The following ZNF90 variants were observed in gnomAD, a reference collection of about 807,000 sequenced individuals.
The protein encoded by ZNF90 is zinc finger protein 90, also known as zinc finger protein HTF9.
ZNF90 carries 11 observed loss-of-function variants against 12.0 expected under a neutral mutation model. The observed-to-expected ratio is 0.92, with a 90% CI of 0.58 to 1.52. The LOEUF (loss-of-function observed/expected upper bound fraction) is 1.52, where lower values mean the gene tolerates loss of function less well. ZNF90 is among the 40% of genes most tolerant of loss of function. The pLI, the probability that ZNF90 is intolerant of heterozygous loss-of-function variation, is 0.00. For missense variants in ZNF90, 765 were observed against 711.5 expected, an observed-to-expected ratio of 1.08 and a Z score of -0.86; for synonymous variants, 232 against 240.1, an observed-to-expected ratio of 0.97 and a Z score of 0.31.
chr19:20,107,294 C>A (rs1225318996), intron 3 of ZNF90, among the ~76,000 whole-genome samples: 1 of 152,180 alleles, frequency 6.6e-6, no homozygotes, highest in African/African-American at 2.4e-5. Flanking sequence ...GGGATGGTTA[C>A]AGAGTAAGTT....
chr19:20,097,178 C>T (rs2088955251), intron 1 of ZNF90, among the ~76,000 whole-genome samples: 1 of 152,128 alleles, frequency 6.6e-6, no homozygotes. Flanking sequence ...AGTTTTCTTT[C>T]TGTACTATTA....
rs530663606 is a variant in ZNF90, at chr19:20,121,004, G to C, written c.*1644G>C. On this transcript the variant is annotated 3_prime_UTR_variant, in exon 4 of 4. Transcript: ENST00000418063. ...TGCATGATGAAAATATAAGTGGACAGGCTGTTCGTATTTGACCTATATTAA... is the reference window on the plus strand; with the variant it reads ...TGCATGATGAAAATATAAGTGGACACGCTGTTCGTATTTGACCTATATTAA... 2.0e-5 allele frequency: 3 copies of C among 152,822 alleles called. No homozygotes were observed. Among genetic ancestry groups the C allele is most frequent in the Admixed American group, 6.5e-5 (1 of 15,308 alleles). The allele number at this position is 152,822 out of a possible 1,614,324, so 9.5% of individuals were successfully genotyped here. A position where few individuals can be genotyped will look rare whatever the true frequency, so the allele number is the denominator to read the frequency against.
intron 1 of ZNF90, among the ~76,000 whole-genome samples, chr19:20,085,828 T>G (rs1362949077): frequency 6.6e-6 from 1 of 152,226 alleles, no homozygotes; most frequent in Non-Finnish European, 1.5e-5. Flanking sequence ...TTTTTCTGAC[T>G]CCAGATTATC....
chr19:20,101,235 A>G (rs2088987484), intron 1 of ZNF90, among the ~76,000 whole-genome samples: 1 of 152,116 alleles, frequency 6.6e-6, no homozygotes, highest in Admixed American at 6.5e-5. Context: ...GTTCATCCTA[A>G]CTGCACTGAA....
rs1294206352 is a variant in ZNF90, at chr19:20,117,397, C to CTTTTCTCCTTCCTTCCTTCCT, written c.227-383_227-382insTTTCTCCTTCCTTCCTTCCTT. ...TTTTTCCTTTCTTTTCTTTTCTTTT[C>CTTTTCTCCTTCCTTCCTTCCT]TCCTTCCTTCCTTCCTTCCTTCCTT... On this transcript the variant is annotated intron_variant, in intron 3 of 3. Coordinates refer to ENST00000418063, the MANE Select transcript of ZNF90 (RefSeq NM_007138.2). Among the ~76,000 whole-genome samples the CTTTTCTCCTTCCTTCCTTCCT allele has an allele frequency of 9.9e-3, 898 of 91,084 alleles. 17 individuals carry two copies. The highest frequency in any genetic ancestry group is 0.052 in the African/African-American group (723 of 13,946). The allele number at this position is 91,084 out of a possible 152,430, so 59.8% of individuals were successfully genotyped here.
intron 1 of ZNF90, among the ~76,000 whole-genome samples, chr19:20,101,676 T>G (rs1408667417): frequency 6.6e-6 from 1 of 152,238 alleles, no homozygotes; most frequent in Non-Finnish European, 1.5e-5. Context: ...CATGTGGCAC[T>G]GACACCTTTA....
At position 20,119,392 on chromosome 19, in the gene ZNF90, A is replaced by G; in HGVS notation, c.*32A>G. The G allele has an allele frequency of 6.5e-7, 1 of 1,528,236 alleles. No individual in the cohort carries two copies. Among genetic ancestry groups the G allele is most frequent in the Non-Finnish European group, 8.8e-7 (1 of 1,133,268 alleles). 94.7% of individuals were successfully genotyped at this position (1,528,236 alleles called of 1,614,324 possible). A position where few individuals can be genotyped will look rare whatever the true frequency, so the allele number is the denominator to read the frequency against. The stretch of plus-strand genomic sequence containing the variant: ...CCTCAACCCTTAATAAACATAAGAT[A>G]ATTCATACTGGAGAGAAACCGTATA... On this transcript the variant is annotated 3_prime_UTR_variant, in exon 4 of 4. Transcript: ENST00000418063.
At chr19:20,085,360 T>C (rs138981165) in intron 1 of ZNF90, among the ~76,000 whole-genome samples, 2,843 of 149,370 alleles carry the variant, frequency 0.019, 94 homozygotes, top group African/African-American at 0.067. Flanking sequence ...CCCGGGTTCA[T>C]GCCATTCTCC....
At chr19:20,111,429 C>G (rs2089087937) in intron 3 of ZNF90, among the ~76,000 whole-genome samples, 3 of 152,180 alleles carry the variant, frequency 2.0e-5, no homozygotes. Flanking sequence ...CCATGTTGCC[C>G]AGGCTGGCCT....
intron 3 of ZNF90, among the ~76,000 whole-genome samples, chr19:20,110,055 T>C (rs1044326755): frequency 4.6e-5 from 7 of 152,330 alleles, no homozygotes; most frequent in African/African-American, 1.7e-4. Flanking sequence ...ATAATTTTGT[T>C]ACTGTATTAA....
Position 20,117,915 on chromosome 19 carries a change from G to T in ZNF90, c.361G>T (p.Asp121Tyr), listed in dbSNP as rs782481706. 1.2e-6 allele frequency: 2 copies of T among 1,612,970 alleles called. No individual in the cohort carries two copies. Among genetic ancestry groups the T allele is most frequent in the African/African-American group, 2.7e-5 (2 of 74,890 alleles). The change falls in exon 4 of 4, where the codon GAT becomes TAT. Residue 121 changes from aspartate (D) to tyrosine (Y), a missense_variant. Coordinates refer to ENST00000418063, the MANE Select transcript of ZNF90 (RefSeq NM_007138.2). ...GTTAAAAAAAGGTTGTGAAAGTGTG[G>T]ATGAGGGTAAAGTACACAAAAGAGG... Reference protein sequence around the residue: ...LELKKGCESVDEGKVHKRGYN... With the variant: ...LELKKGCESVYEGKVHKRGYN...
chr19:20,093,702 C>T (rs1314018017), intron 1 of ZNF90, among the ~76,000 whole-genome samples: 7 of 152,016 alleles, frequency 4.6e-5, no homozygotes, highest in Non-Finnish European at 1.0e-4. Context: ...GCTTGGCCGT[C>T]AATACTCACA....
chr19:20,118,066 A>G lies in ZNF90; in HGVS notation c.512A>G (p.Lys171Arg). Residue 171 changes from lysine to arginine, a missense_variant, in exon 4 of 4, where the codon AAA (lysine) becomes AGA (arginine). Transcript: ENST00000418063. ...CATAAGATAAGAGATACTGGAAAAA[A>G]ACCTTTCAAATGTATAGAATGTGGC... Reference protein sequence around the residue: ...NRHKIRDTGKKPFKCIECGKA... With the variant: ...NRHKIRDTGKRPFKCIECGKA... 2 of 1,613,176 alleles carry G rather than the reference A, an allele frequency of 1.2e-6. No homozygotes were observed. Among genetic ancestry groups the G allele is most frequent in the Non-Finnish European group, 1.7e-6 (2 of 1,179,480 alleles).
chr19:20,095,002 A>G (rs2088931698), intron 1 of ZNF90, among the ~76,000 whole-genome samples: 1 of 151,956 alleles, frequency 6.6e-6, no homozygotes, highest in Non-Finnish European at 1.5e-5. Context: ...TATAGGGTGG[A>G]GGAGTGGAGG....
chr19:20,092,970 G>A (rs1260037365), intron 1 of ZNF90, among the ~76,000 whole-genome samples: 2 of 152,162 alleles, frequency 1.3e-5, no homozygotes, highest in Non-Finnish European at 2.9e-5. Flanking sequence ...AAGTAATGAG[G>A]GCTGTCCCTG....
At chr19:20,100,914 G>T (rs1336740843) in intron 1 of ZNF90, among the ~76,000 whole-genome samples, 4 of 152,154 alleles carry the variant, frequency 2.6e-5, no homozygotes, top group Non-Finnish European at 4.4e-5. Context: ...GAGGGGGAGG[G>T]ACAGTGATTG....
rs554025615 is a variant in ZNF90 at position 20,107,758 on chromosome 19, C to T, written c.226+2442C>T. Among the ~76,000 whole-genome samples, 23 of 152,156 alleles carry T rather than the reference C, an allele frequency of 1.5e-4. No homozygotes were observed. In the South Asian group the frequency reaches 4.2e-3, roughly 27 times the overall value. ...CTATTTTCTATTTCAAATTTGTCTGCAATTTTAGTTTCAGATATTTAGGAC... is the reference window on the plus strand; with the variant it reads ...CTATTTTCTATTTCAAATTTGTCTGTAATTTTAGTTTCAGATATTTAGGAC... On this transcript the variant is annotated intron_variant, in intron 3 of 3. Coordinates refer to ENST00000418063, the MANE Select transcript of ZNF90 (RefSeq NM_007138.2).
Position 20,119,449 on chromosome 19 carries a change from C to A in ZNF90, c.*89C>A, listed in dbSNP as rs782603588. ...ATGACTGTTGGAAAGCCTTTGACCACCCCTCTACTCTTACTAAATATGAGA... is the reference window on the plus strand; with the variant it reads ...ATGACTGTTGGAAAGCCTTTGACCAACCCTCTACTCTTACTAAATATGAGA... On this transcript the variant is annotated 3_prime_UTR_variant, in exon 4 of 4. Transcript: ENST00000418063. 4 of 1,065,390 alleles carry A rather than the reference C, an allele frequency of 3.8e-6. No homozygotes were observed. The highest frequency in any genetic ancestry group is 4.0e-6 in the Non-Finnish European group (3 of 746,808). The allele number at this position is 1,065,390 out of a possible 1,614,324, so 66.0% of individuals were successfully genotyped here.
intron 1 of ZNF90, among the ~76,000 whole-genome samples, chr19:20,093,058 A>G (rs2088915053): frequency 6.6e-6 from 1 of 152,218 alleles, no homozygotes; most frequent in Non-Finnish European, 1.5e-5. Context: ...AAGCAAAGAG[A>G]GGCTGGGACG....
Sources: gnomAD v4.1 joint callset for allele counts (sites outside exome capture counted in the v4.1 genomes callset) on GRCh38, gnomAD v4.1.1 for gene constraint, MANE v1.5 for transcripts, NCBI Gene and HGNC (gene_info 2026-07-23, HGNC 2026-07-21) for gene names.